Variants in ORC5 observed in about 807,000 individuals in gnomAD.
The protein encoded by ORC5 is protein phosphatase 1, regulatory subunit 117.
In ORC5, 39 loss-of-function variants were observed where a neutral mutation model predicts 58.8. That is an observed-to-expected ratio of 0.66 (90% CI 0.51 to 0.87). The LOEUF (loss-of-function observed/expected upper bound fraction) is 0.87, where lower values mean the gene tolerates loss of function less well. Ranked by LOEUF, ORC5 falls within the 40% of genes least tolerant of loss-of-function variation. The pLI is 0.00. For missense variants in ORC5, 493 were observed against 506.3 expected (o/e 0.97, Z 0.25); for synonymous variants, 218 against 177.6 (o/e 1.23, Z -1.81).
At chr7:104,134,890 G>T (rs1798565546) in intron 13 of ORC5, among the ~76,000 whole-genome samples, 2 of 152,082 alleles carry the variant, frequency 1.3e-5, no homozygotes, top group Non-Finnish European at 2.9e-5. Flanking sequence ...GGGAGGAGCG[G>T]GTGCTTATTC....
At chr7:104,127,169 C>T (rs1798442311) in intron 13 of ORC5, among the ~76,000 whole-genome samples, 1 of 151,314 alleles carries the variant, frequency 6.6e-6, no homozygotes, top group Non-Finnish European at 1.5e-5. Context: ...TTCAATTGTA[C>T]TACAGAAAGT....
intron 6 of ORC5, among the ~76,000 whole-genome samples, chr7:104,186,463 G>C (rs1799545380): frequency 6.6e-6 from 1 of 151,978 alleles, no homozygotes; most frequent in Non-Finnish European, 1.5e-5. Context: ...AATAATTTAT[G>C]AATAACAGTT....
chr7:104,193,437 A>G (rs1439969619), intron 5 of ORC5, among the ~76,000 whole-genome samples: 6 of 152,118 alleles, frequency 3.9e-5, no homozygotes, highest in Admixed American at 2.0e-4. Context: ...TAATCTCTCT[A>G]AAGAAAAAAT....
At chr7:104,135,073 A>G (rs1177084354) in intron 13 of ORC5, among the ~76,000 whole-genome samples, 1 of 152,184 alleles carries the variant, frequency 6.6e-6, no homozygotes, top group Non-Finnish European at 1.5e-5. Flanking sequence ...GATGCTCTGC[A>G]CTAAGTAACG....
chr7:104,200,516 A>G (rs1799912830), intron 3 of ORC5, among the ~76,000 whole-genome samples: 1 of 152,110 alleles, frequency 6.6e-6, no homozygotes, highest in East Asian at 1.9e-4. Flanking sequence ...CACAGTCAAT[A>G]TTTTGCATCT....
At chr7:104,131,771 G>A (rs1325425108) in intron 13 of ORC5, among the ~76,000 whole-genome samples, 1 of 151,328 alleles carries the variant, frequency 6.6e-6, no homozygotes, top group Admixed American at 6.6e-5. Flanking sequence ...AGAATCACTT[G>A]AACCTTGGAG....
chr7:104,180,554 T>A (rs1799412431), intron 8 of ORC5, among the ~76,000 whole-genome samples: 1 of 151,890 alleles, frequency 6.6e-6, no homozygotes, highest in Admixed American at 6.6e-5. Flanking sequence ...TAGACCTCCC[T>A]CCCCAATATC....
chr7:104,156,867 G>A (rs993251155), intron 12 of ORC5, among the ~76,000 whole-genome samples: 1 of 151,654 alleles, frequency 6.6e-6, no homozygotes, highest in Non-Finnish European at 1.5e-5. Context: ...CCATTCAAAT[G>A]ACCCAATATG....
chr7:104,157,324 C>G (rs1584490970), intron 12 of ORC5, among the ~76,000 whole-genome samples: 11 of 151,948 alleles, frequency 7.2e-5, no homozygotes, highest in Admixed American at 7.2e-4. Context: ...TACTCCCCGA[C>G]CCTTTGTATA....
rs748330291 is a variant in ORC5, at chr7:104,136,752, A to T, written c.1262+29T>A. On this transcript the variant is annotated intron_variant, in intron 13 of 13. Transcript: ENST00000297431. This position sits in a 1 kb window ranked among gnomAD's most constrained non-coding sequence, Gnocchi z 4.2. ...GAAAACACTAATTTTTATATTTAGTATATCATTACATAATTCAAGACATTT... is the reference window on the plus strand; with the variant it reads ...GAAAACACTAATTTTTATATTTAGTTTATCATTACATAATTCAAGACATTT... 1 of 1,346,706 alleles carries T rather than the reference A, an allele frequency of 7.4e-7. No homozygotes were observed. The highest frequency in any genetic ancestry group is 1.1e-6 in the Non-Finnish European group (1 of 937,822). The allele number at this position is 1,346,706 out of a possible 1,614,324, so 83.4% of individuals were successfully genotyped here.
Position 104,161,120 on chromosome 7 carries a change from A to G in ORC5, c.1101T>C (p.Tyr367=), listed in dbSNP as rs1340880559. 1 of 1,610,718 alleles carries G rather than the reference A, an allele frequency of 6.2e-7. No homozygotes were observed. The highest frequency in any genetic ancestry group is 1.7e-5 in the Admixed American group (1 of 59,984). Residue 367 remains tyrosine (Y), a synonymous_variant, in exon 12 of 14, where the codon TAT becomes TAC. Transcript: ENST00000297431. ...GAGCAACTCTGCTGTCCACGATACT[A>G]TATAATATTGCTAATAATCTGTCTA... is the stretch of plus-strand genomic sequence containing the variant. The part of the protein sequence containing the change: ...FPLDRLLAIL[Y]SIVDSRVAPT...
intron 8 of ORC5, among the ~76,000 whole-genome samples, chr7:104,173,979 G>A (rs961933615): frequency 6.7e-6 from 1 of 149,952 alleles, no homozygotes; most frequent in South Asian, 2.1e-4. Flanking sequence ...CAAGTAGCTG[G>A]GACTACAGGC....
At chr7:104,201,627 T>TAAAAAA (rs59970161) in intron 2 of ORC5, among the ~76,000 whole-genome samples, 1 of 131,390 alleles carries the variant, frequency 7.6e-6, no homozygotes, top group Non-Finnish European at 1.6e-5. Flanking sequence ...CTGTCACTAT[T>TAAAAAA]AAAAAAAAAA....
intron 11 of ORC5, among the ~76,000 whole-genome samples, chr7:104,164,755 C>A (rs1024274867): frequency 1.3e-5 from 2 of 152,130 alleles, no homozygotes; most frequent in African/African-American, 2.4e-5. Context: ...AAGCTTTTTT[C>A]CAGATTCCTA....
intron 3 of ORC5, among the ~76,000 whole-genome samples, chr7:104,198,321 T>C (rs1019094288): frequency 6.6e-6 from 1 of 152,234 alleles, no homozygotes; most frequent in African/African-American, 2.4e-5. Context: ...TTAGATGGCT[T>C]TGACCAAAAT....
chr7:104,138,465 C>G lies in ORC5; in HGVS notation c.1150-1572G>C, dbSNP rs1201858544. ...GATGAGAGATAAGAAATACATCCTT[C>G]AGACCTGGGCTTAGTCTTGGTTTAA... is the stretch of plus-strand genomic sequence containing the variant. On this transcript the variant is annotated intron_variant, in intron 12 of 13. Transcript: ENST00000297431. This position sits in a 1 kb window ranked among gnomAD's most constrained non-coding sequence, Gnocchi z 4.7. Among the ~76,000 whole-genome samples, 1 of 151,926 alleles carries G rather than the reference C, an allele frequency of 6.6e-6. No individual in the cohort carries two copies. The highest frequency in any genetic ancestry group is 1.5e-5 in the Non-Finnish European group (1 of 67,962).
chr7:104,139,443 T>C (rs1798639069), intron 12 of ORC5, among the ~76,000 whole-genome samples: 1 of 152,176 alleles, frequency 6.6e-6, no homozygotes, highest in African/African-American at 2.4e-5. Flanking sequence ...CATGATCATC[T>C]TACTATATTA....
At chr7:104,203,566 T>G (rs896060361) in intron 2 of ORC5, among the ~76,000 whole-genome samples, 8 of 152,194 alleles carry the variant, frequency 5.3e-5, no homozygotes. Context: ...ATTCTCTTAA[T>G]CCCAAATGTT....
At chr7:104,195,389 C>T (rs1043416325) in intron 4 of ORC5, 135 bp from the exon 5 acceptor site, 5 of 526,058 alleles carry the variant, frequency 9.5e-6, no homozygotes, top group African/African-American at 8.1e-5. Flanking sequence ...TATTAATAAA[C>T]CATATTTAGA....
Sources: gnomAD v4.1 joint callset for allele counts (sites outside exome capture counted in the v4.1 genomes callset) on GRCh38, gnomAD v4.1.1 for gene constraint, Gnocchi (gnomAD v3.1) non-coding constraint, MANE v1.5 for transcripts, NCBI Gene and HGNC (gene_info 2026-07-23, HGNC 2026-07-21) for gene names.